Variants in GRIK1 observed in about 807,000 individuals in gnomAD.
GRIK1 encodes the protein glutamate receptor ionotropic, kainate 1.
Under a neutral mutation model 105.7 loss-of-function variants are expected in GRIK1, and 69 were observed. That is an observed-to-expected ratio of 0.65 (90% CI 0.54 to 0.80). The LOEUF (loss-of-function observed/expected upper bound fraction) is 0.80, where lower values mean the gene tolerates loss of function less well. GRIK1 is among the 30% of genes least tolerant of loss of function. GRIK1 has a pLI of 0.00. For missense variants in GRIK1, 1,109 were observed against 1,167.3 expected, an observed-to-expected ratio of 0.95 and a Z score of 0.73; for synonymous variants, 438 against 431.3, an observed-to-expected ratio of 1.02 and a Z score of -0.19.
At chr21:29,679,514 C>G (rs547381051) in intron 3 of GRIK1, among the ~76,000 whole-genome samples, 1 of 152,290 alleles carries the variant, frequency 6.6e-6, no homozygotes, top group South Asian at 2.1e-4. Flanking sequence ...ACTCTAGACT[C>G]AGGTATTAAC....
chr21:29,718,977 CTTCTG>C (rs10602385), intron 1 of GRIK1, among the ~76,000 whole-genome samples: 112,437 of 150,884 alleles, frequency 0.75, 44,795 homozygotes, highest in South Asian at 0.89. Flanking sequence ...TTTGCTTCAA[CTTCTG>C]TTCTGGTCAA....
intron 1 of GRIK1, among the ~76,000 whole-genome samples, chr21:29,850,612 C>T (rs2068274941): frequency 6.6e-6 from 1 of 152,198 alleles, no homozygotes; most frequent in African/African-American, 2.4e-5. Context: ...ATTTTGGAGT[C>T]CTTGTTTAGT....
At chr21:29,622,518 C>T (rs2062028733) in intron 7 of GRIK1, among the ~76,000 whole-genome samples, 1 of 152,160 alleles carries the variant, frequency 6.6e-6, no homozygotes, top group African/African-American at 2.4e-5. Flanking sequence ...GTTGGTTATC[C>T]CTGGTCTACA....
intron 1 of GRIK1, among the ~76,000 whole-genome samples, chr21:29,769,982 G>A (rs1689163915): frequency 6.6e-6 from 1 of 152,278 alleles, no homozygotes; most frequent in Non-Finnish European, 1.5e-5. Flanking sequence ...ACAAAGATGT[G>A]AGTATGATGT....
chr21:29,840,360 A>G (rs1008407628), intron 1 of GRIK1, among the ~76,000 whole-genome samples: 4 of 152,198 alleles, frequency 2.6e-5, no homozygotes, highest in African/African-American at 9.6e-5. Context: ...ACCATTTGCC[A>G]TTTCATATTT....
chr21:29,552,993 T>C (rs2090160600), intron 16 of GRIK1, among the ~76,000 whole-genome samples: 1 of 152,062 alleles, frequency 6.6e-6, no homozygotes, highest in African/African-American at 2.4e-5. Flanking sequence ...GCTAAGACAC[T>C]TTTGAGTCTT....
At chr21:29,835,972 G>C (rs969477695) in intron 1 of GRIK1, among the ~76,000 whole-genome samples, 1 of 150,644 alleles carries the variant, frequency 6.6e-6, no homozygotes, top group Non-Finnish European at 1.5e-5. Context: ...TGACTTGATG[G>C]CAATAGACAC....
chr21:29,614,090 GT>G (rs1207687741), intron 7 of GRIK1, among the ~76,000 whole-genome samples: 9 of 152,102 alleles, frequency 5.9e-5, no homozygotes, highest in Admixed American at 2.0e-4. Context: ...CTCAAACCAA[GT>G]TTTTTTCCCC....
intron 1 of GRIK1, among the ~76,000 whole-genome samples, chr21:29,858,754 C>CA (rs973751636): frequency 1.2e-4 from 18 of 151,944 alleles, no homozygotes; most frequent in Non-Finnish European, 2.5e-4. Context: ...TTCATTGGTG[C>CA]AAAATCTCAT....
intron 16 of GRIK1, among the ~76,000 whole-genome samples, chr21:29,541,582 T>TTTTTTTTTTTTTTTTTTC (rs2089972824): frequency 6.8e-6 from 1 of 147,996 alleles, no homozygotes; most frequent in Admixed American, 6.7e-5. Context: ...GGTCTTTTTT[T>TTTTTTTTTTTTTTTTTTC]TTTTTTTTTT....
At chr21:29,537,964 A>T (rs1462204794) in intron 16 of GRIK1, 80 bp from the exon 17 acceptor site, 1 of 690,530 alleles carries the variant, frequency 1.4e-6, no homozygotes, top group East Asian at 2.7e-5. Context: ...AGCAGCAATG[A>T]TGCAGCTGTG....
At chr21:29,693,552 A>G (rs2063626156) in intron 2 of GRIK1, among the ~76,000 whole-genome samples, 2 of 152,146 alleles carry the variant, frequency 1.3e-5, no homozygotes, top group African/African-American at 2.4e-5. Context: ...TTGACCTTCC[A>G]TAATGTTTTA....
intron 1 of GRIK1, among the ~76,000 whole-genome samples, chr21:29,769,952 T>C (rs1056099793): frequency 4.6e-5 from 7 of 152,192 alleles, no homozygotes; most frequent in Non-Finnish European, 1.0e-4. Flanking sequence ...TTTTGAGTTT[T>C]TGGAATAAAT....
chr21:29,730,652 AG>A (rs1440660670), intron 1 of GRIK1, among the ~76,000 whole-genome samples: 2 of 152,118 alleles, frequency 1.3e-5, no homozygotes, highest in Non-Finnish European at 2.9e-5. Context: ...TAGTTTTATT[AG>A]CTTCTCTTCC....
chr21:29,559,893 G>A (rs2090348843), intron 15 of GRIK1, among the ~76,000 whole-genome samples: 1 of 152,062 alleles, frequency 6.6e-6, no homozygotes, highest in Admixed American at 6.5e-5. Flanking sequence ...TGACTTGAAA[G>A]GCAGCTGTCT....
intron 1 of GRIK1, among the ~76,000 whole-genome samples, chr21:29,820,170 A>G (rs928981964): frequency 6.6e-6 from 1 of 152,128 alleles, no homozygotes; most frequent in African/African-American, 2.4e-5. Flanking sequence ...CATGGGACAC[A>G]ACATTTATTA....
chr21:29,880,809 G>A (rs1014660183), intron 1 of GRIK1, among the ~76,000 whole-genome samples: 6 of 152,102 alleles, frequency 3.9e-5, no homozygotes, highest in Non-Finnish European at 8.8e-5. Flanking sequence ...AGCAGGGCAT[G>A]AGCTCAGGCC....
At chr21:29,805,452 C>A (rs1419855856) in intron 1 of GRIK1, among the ~76,000 whole-genome samples, 1 of 152,118 alleles carries the variant, frequency 6.6e-6, no homozygotes, top group Admixed American at 6.6e-5. Flanking sequence ...GCCAATAAAT[C>A]TCCTTTAGGG....
chr21:29,876,509 A>G (rs781371011), intron 1 of GRIK1, among the ~76,000 whole-genome samples: 4 of 151,908 alleles, frequency 2.6e-5, no homozygotes, highest in Non-Finnish European at 5.9e-5. Flanking sequence ...CATTTTATTC[A>G]TTTTTTTGCA....
Sources: allele counts gnomAD v4.1 joint callset (sites outside exome capture counted in the v4.1 genomes callset), GRCh38; gene constraint gnomAD v4.1.1; transcripts MANE v1.5; gene names NCBI Gene and HGNC (gene_info 2026-07-23, HGNC 2026-07-21).